Variants in NTRK3 observed in about 807,000 individuals in gnomAD.
NTRK3 encodes the protein neurotrophic receptor tyrosine kinase 3, also known as NT-3 growth factor receptor.
Under a neutral mutation model 91.7 loss-of-function variants are expected in NTRK3, and 24 were observed. That is an observed-to-expected ratio of 0.26 (90% CI 0.19 to 0.37). The LOEUF (loss-of-function observed/expected upper bound fraction) is 0.37. Ranked by LOEUF, NTRK3 falls within the 10% of genes least tolerant of loss-of-function variation. The pLI is 1.00. For synonymous variants in NTRK3, 483 were observed against 404.0 expected (o/e 1.20, Z -2.34); for missense variants, 880 against 1,068.9 (o/e 0.82, Z 2.46).
chr15:87,939,656 G>A (rs907524160), intron 15 of NTRK3, among the ~76,000 whole-genome samples: 5 of 152,076 alleles, frequency 3.3e-5, no homozygotes, highest in Admixed American at 6.5e-5. Context: ...ATGTCTTCAC[G>A]GGGAGCCATA....
intron 6 of NTRK3, among the ~76,000 whole-genome samples, chr15:88,141,114 G>T (rs1016536226): frequency 2.0e-5 from 3 of 152,152 alleles, no homozygotes; most frequent in Non-Finnish European, 4.4e-5. Context: ...TGAGGCTGGG[G>T]AGGGACAGAC....
In NTRK3 at chr15:87,978,930, C is replaced by A. The variant is rs189585976; in HGVS notation, c.1586-38177G>T. ...GGTATCCTGGGAGAGCCAGGGAGAC[C>A]CCACGCTTCCAAGCAGGGAAAGTGA... On this transcript the variant is annotated intron_variant, in intron 14 of 18. Transcript: ENST00000394480. 3.1e-4 allele frequency: 102 copies of A among 326,344 alleles called. 1 individual carries two copies. The highest frequency in any genetic ancestry group is 1.9e-3 in the African/African-American group (90 of 47,628). 20.2% of individuals were successfully genotyped at this position (326,344 alleles called of 1,614,324 possible).
intron 13 of NTRK3, among the ~76,000 whole-genome samples, chr15:88,051,500 C>A: frequency 6.6e-6 from 1 of 152,210 alleles, no homozygotes; most frequent in East Asian, 1.9e-4. Flanking sequence ...CAGTGTTTAT[C>A]ACAATGAGGA....
At chr15:88,252,055 T>G (rs774523229) in intron 3 of NTRK3, among the ~76,000 whole-genome samples, 11 of 152,168 alleles carry the variant, frequency 7.2e-5, no homozygotes, top group Non-Finnish European at 1.6e-4. Context: ...CCCCAGGGCC[T>G]CAGGAGACCA....
intron 13 of NTRK3, among the ~76,000 whole-genome samples, chr15:88,048,151 C>T (rs2080422392): frequency 6.6e-6 from 1 of 152,196 alleles, no homozygotes; most frequent in African/African-American, 2.4e-5. Flanking sequence ...TTCACTTCTC[C>T]CTGCCTCCTT....
chr15:88,157,562 C>G (rs1319308276), intron 5 of NTRK3, among the ~76,000 whole-genome samples: 1 of 151,878 alleles, frequency 6.6e-6, no homozygotes, highest in Non-Finnish European at 1.5e-5. Context: ...CCTGTTCCCT[C>G]CAGTAGGCAT....
intron 3 of NTRK3, among the ~76,000 whole-genome samples, chr15:88,185,496 A>G (rs1055554303): frequency 8.5e-5 from 13 of 152,180 alleles, no homozygotes; most frequent in Non-Finnish European, 1.9e-4. Context: ...TTGCAGCTCT[A>G]AAGGTGTATG....
intron 3 of NTRK3, among the ~76,000 whole-genome samples, chr15:88,206,215 G>A (rs1308800935): frequency 6.7e-6 from 1 of 149,232 alleles, no homozygotes; most frequent in East Asian, 2.0e-4. Flanking sequence ...CGAGGTGGCG[G>A]GCACCTGTAG....
chr15:88,096,628 G>A (rs2049630502), intron 13 of NTRK3, among the ~76,000 whole-genome samples: 1 of 152,190 alleles, frequency 6.6e-6, no homozygotes, highest in Admixed American at 6.5e-5. Flanking sequence ...CAACCCAGAA[G>A]TGTGGGGTAA....
chr15:88,129,300 C>T (rs2053590352), intron 10 of NTRK3, among the ~76,000 whole-genome samples: 1 of 152,160 alleles, frequency 6.6e-6, no homozygotes, highest in Non-Finnish European at 1.5e-5. Context: ...AAAGCTAATC[C>T]TTATTGCACA....
chr15:87,886,709 C>CACACACACATATAT (rs2065572042), intron 17 of NTRK3, among the ~76,000 whole-genome samples: 23 of 60,604 alleles, frequency 3.8e-4, no homozygotes, highest in African/African-American at 1.1e-3. Context: ...TACATATATA[C>CACACACACATATAT]ACACACACAC....
intron 14 of NTRK3, among the ~76,000 whole-genome samples, chr15:88,013,289 G>C (rs1206916382): frequency 6.6e-6 from 1 of 152,240 alleles, no homozygotes; most frequent in African/African-American, 2.4e-5. Context: ...CTCTAGGTCA[G>C]AGCGTAACCA....
At chr15:88,136,938 G>A (rs2041934795) in intron 7 of NTRK3, among the ~76,000 whole-genome samples, 1 of 152,212 alleles carries the variant, frequency 6.6e-6, no homozygotes, top group South Asian at 2.1e-4. Flanking sequence ...CTGAATAGTA[G>A]TGTTTCAGTC....
chr15:88,212,551 A>G (rs1041661341), intron 3 of NTRK3, among the ~76,000 whole-genome samples: 1 of 152,140 alleles, frequency 6.6e-6, no homozygotes, highest in Non-Finnish European at 1.5e-5. Flanking sequence ...GATGTTCACA[A>G]GACACTTCTC....
intron 18 of NTRK3, among the ~76,000 whole-genome samples, chr15:87,878,906 GGTGTGTGTGTGTGTGTGTGTGT>G (rs34029623): frequency 3.5e-5 from 5 of 141,952 alleles, no homozygotes; most frequent in Non-Finnish European, 3.1e-5. Flanking sequence ...GTGCATGCAT[GGTGTGTGTGTGTGTGTGTGTGT>G]GTGTGTGTGT....
At position 88,139,226 on chromosome 15, in the gene NTRK3, A is replaced by G. The variant is rs139666505; in HGVS notation, c.465-1665T>C. Among the ~76,000 whole-genome samples the G allele has an allele frequency of 6.1e-3, 927 of 152,278 alleles. 11 individuals carry two copies. The highest frequency in any genetic ancestry group is 0.021 in the African/African-American group (880 of 41,544). Reference sequence around the variant, plus strand: ...CTTGAAGCAAGTCACCTCCCCTCTCAATGGGATTATTAAGGAGACAATGAA... The same window carrying G: ...CTTGAAGCAAGTCACCTCCCCTCTCGATGGGATTATTAAGGAGACAATGAA... On this transcript the variant is annotated intron_variant, in intron 6 of 18. Coordinates refer to ENST00000394480, the Ensembl canonical transcript of NTRK3.
chr15:88,211,000 T>G (rs750773847), intron 3 of NTRK3, among the ~76,000 whole-genome samples: 4 of 152,200 alleles, frequency 2.6e-5, no homozygotes, highest in Non-Finnish European at 5.9e-5. Flanking sequence ...TTAAAAAAAT[T>G]AATGCACTAT....
At chr15:88,194,528 A>G (rs2047662973) in intron 3 of NTRK3, among the ~76,000 whole-genome samples, 1 of 152,110 alleles carries the variant, frequency 6.6e-6, no homozygotes. Context: ...CTTCAACTCT[A>G]TCTACTTCTT....
Position 88,098,371 on chromosome 15 carries a change from C to T in NTRK3, c.1396+27900G>A, listed in dbSNP as rs80197665. Among the ~76,000 whole-genome samples, 83 of 152,326 alleles carry T rather than the reference C, an allele frequency of 5.4e-4. No homozygotes were observed. In the East Asian group the frequency reaches 0.013, roughly 23 times the overall value. ...AAATTAATCCAAATTGGCTGGACTA[C>T]GCATGCCATCAGCTCCCAACATTAA... On this transcript the variant is annotated intron_variant, in intron 13 of 18. Coordinates refer to ENST00000394480, the Ensembl canonical transcript of NTRK3.
Sources: gnomAD v4.1 joint callset for allele counts (sites outside exome capture counted in the v4.1 genomes callset) on GRCh38, gnomAD v4.1.1 for gene constraint, MANE v1.5 for transcripts, NCBI Gene and HGNC (gene_info 2026-07-23, HGNC 2026-07-21) for gene names.